ZNF420: variants seen among roughly 807,000 people sequenced by gnomAD.
ZNF420 encodes zinc finger protein 420.
Under a neutral mutation model 44.7 loss-of-function variants are expected in ZNF420, and 31 were observed. The ratio of observed to expected loss-of-function variants is 0.69; its 90% CI spans 0.52 to 0.94. The LOEUF is 0.94. ZNF420 is among the 40% of genes least tolerant of loss of function. The pLI is 0.00. For missense variants in ZNF420, 681 were observed against 827.9 expected, an observed-to-expected ratio of 0.82 and a Z score of 2.18; for synonymous variants, 245 against 267.4, an observed-to-expected ratio of 0.92 and a Z score of 0.82.
At chr19:37,025,241 T>A (rs1320495972) in intron 1 of ZNF420, 8 of 320,936 alleles carry the variant, frequency 2.5e-5, no homozygotes, top group Non-Finnish European at 3.4e-5. Flanking sequence ...GCATCATCTC[T>A]TGTTCATTGA....
At chr19:37,106,423 T>C (rs1036993650) in intron 4 of ZNF420, among the ~76,000 whole-genome samples, 2 of 152,218 alleles carry the variant, frequency 1.3e-5, no homozygotes, top group Admixed American at 1.3e-4. Context: ...TTTGCCAGTA[T>C]TTTATCTTCT....
chr19:37,097,096 AC>A (rs1969497784), intron 4 of ZNF420, among the ~76,000 whole-genome samples: 1 of 151,956 alleles, frequency 6.6e-6, no homozygotes, highest in Non-Finnish European at 1.5e-5. Context: ...ACAGGGTTTC[AC>A]TATGTTGGCC....
chr19:37,115,445 G>T lies in ZNF420; in HGVS notation c.137-11683G>T, dbSNP rs139066537. On this transcript the variant is annotated intron_variant, in intron 4 of 4. Coordinates refer to ENST00000337995, the MANE Select transcript of ZNF420 (RefSeq NM_144689.5). ...ACCGTAGGGTAATAGTGGGGAGAGGGTCAGCAGGAAAACATGTGAACAGAG... is the reference window on the plus strand; with the variant it reads ...ACCGTAGGGTAATAGTGGGGAGAGGTTCAGCAGGAAAACATGTGAACAGAG... 3.3e-3 allele frequency among the ~76,000 whole-genome samples: 495 copies of T among 152,100 alleles called. 5 individuals carry two copies. Among genetic ancestry groups the T allele is most frequent in the African/African-American group, 0.011 (473 of 41,506 alleles).
chr19:37,066,281 A>C (rs921382850), intron 1 of ZNF420, among the ~76,000 whole-genome samples: 1 of 152,092 alleles, frequency 6.6e-6, no homozygotes, highest in African/African-American at 2.4e-5. Context: ...CGTCTCTACT[A>C]AAAATACAAA....
chr19:37,071,317 G>A (rs1016453447), intron 1 of ZNF420, among the ~76,000 whole-genome samples: 1 of 152,122 alleles, frequency 6.6e-6, no homozygotes, highest in Non-Finnish European at 1.5e-5. Context: ...GCGAGTCACA[G>A]AATGATATAT....
chr19:37,048,426 C>T (rs1360061115), intron 1 of ZNF420, among the ~76,000 whole-genome samples: 1 of 152,146 alleles, frequency 6.6e-6, no homozygotes, highest in Non-Finnish European at 1.5e-5. Flanking sequence ...TATAACTGTT[C>T]TAATACTGCT....
At chr19:37,072,650 T>C (rs145365087) in intron 1 of ZNF420, among the ~76,000 whole-genome samples, 366 of 152,310 alleles carry the variant, frequency 2.4e-3, no homozygotes, top group Non-Finnish European at 4.2e-3. Flanking sequence ...ATTCATGACA[T>C]AGATGGCCAT....
intron 1 of ZNF420, among the ~76,000 whole-genome samples, chr19:37,041,310 CAA>C (rs369724759): frequency 7.5e-5 from 10 of 132,628 alleles, no homozygotes; most frequent in Admixed American, 7.7e-5. Flanking sequence ...AACACTATCT[CAA>C]AAAAAAAAAA....
At chr19:37,083,926 T>C (rs968913899) in intron 2 of ZNF420, among the ~76,000 whole-genome samples, 1 of 152,204 alleles carries the variant, frequency 6.6e-6, no homozygotes, top group African/African-American at 2.4e-5. Flanking sequence ...GAGTGTATAC[T>C]GATATTTCCA....
At chr19:37,017,355 C>T (rs1169091691) in intron 1 of ZNF420, among the ~76,000 whole-genome samples, 3 of 152,120 alleles carry the variant, frequency 2.0e-5, no homozygotes, top group African/African-American at 7.2e-5. Context: ...CAAGGAAAAG[C>T]CCCACACAAG....
At chr19:37,008,765 G>GCTCTGGC (rs2074547363) in intron 1 of ZNF420, among the ~76,000 whole-genome samples, 1 of 152,176 alleles carries the variant, frequency 6.6e-6, no homozygotes, top group Admixed American at 6.5e-5. Context: ...TCCTGCCTGG[G>GCTCTGGC]CTCTGGCCTC....
At chr19:37,047,124 C>A (rs1333934225) in intron 1 of ZNF420, among the ~76,000 whole-genome samples, 1 of 152,188 alleles carries the variant, frequency 6.6e-6, no homozygotes, top group African/African-American at 2.4e-5. Flanking sequence ...CAATTTTGTG[C>A]ACTTTAAGCC....
intron 4 of ZNF420, among the ~76,000 whole-genome samples, chr19:37,125,852 G>T (rs979058616): frequency 6.6e-6 from 1 of 152,130 alleles, no homozygotes; most frequent in African/African-American, 2.4e-5. Flanking sequence ...GTCCAGATTG[G>T]TCTACTGTTT....
intron 1 of ZNF420, among the ~76,000 whole-genome samples, chr19:37,012,760 ATGTCTCTGTGTGTGTGTGTG>A (rs968836471): frequency 1.4e-4 from 14 of 101,938 alleles, no homozygotes; most frequent in Admixed American, 3.1e-4. Context: ...CCACTGCTAT[ATGTCTCTGTGTGTGTGTGTG>A]TGTGTGTGTG....
intron 1 of ZNF420, among the ~76,000 whole-genome samples, chr19:37,029,691 T>C (rs1967220564): frequency 6.6e-6 from 1 of 152,134 alleles, no homozygotes; most frequent in Non-Finnish European, 1.5e-5. Flanking sequence ...CTGGCTAATT[T>C]TTTGTATCTT....
Position 37,130,181 on chromosome 19 carries a change from G to A in ZNF420, c.*1123G>A. On this transcript the variant is annotated 3_prime_UTR_variant, in exon 5 of 5. Coordinates refer to ENST00000337995, the MANE Select transcript of ZNF420 (RefSeq NM_144689.5). ...TACTCTCATGGGGACTTTGAGAATGGTATCTGGGTGTTATGGATCATGGAG... is the reference window on the plus strand; with the variant it reads ...TACTCTCATGGGGACTTTGAGAATGATATCTGGGTGTTATGGATCATGGAG... 6.5e-7 allele frequency: 1 copy of A among 1,550,320 alleles called. No individual in the cohort carries two copies. The highest frequency in any genetic ancestry group is 8.7e-7 in the Non-Finnish European group (1 of 1,146,894).
chr19:37,097,877 G>A (rs1396111601), intron 4 of ZNF420, among the ~76,000 whole-genome samples: 3 of 152,092 alleles, frequency 2.0e-5, no homozygotes, highest in South Asian at 2.1e-4. Flanking sequence ...TTTCAATGCT[G>A]TTATACTAGT....
chr19:37,017,418 G>T (rs889853743), intron 1 of ZNF420, among the ~76,000 whole-genome samples: 1 of 152,188 alleles, frequency 6.6e-6, no homozygotes, highest in African/African-American at 2.4e-5. Context: ...ACCTGCTTTT[G>T]CAGATACAGT....
chr19:37,034,345 C>T (rs1056942818), intron 1 of ZNF420, among the ~76,000 whole-genome samples: 3 of 151,998 alleles, frequency 2.0e-5, no homozygotes, highest in African/African-American at 7.3e-5. Context: ...AAGTCCTTTG[C>T]CTATTTTTTA....
Sources: gnomAD v4.1 joint callset for allele counts (sites outside exome capture counted in the v4.1 genomes callset) on GRCh38, gnomAD v4.1.1 for gene constraint, MANE v1.5 for transcripts, NCBI Gene and HGNC (gene_info 2026-07-23, HGNC 2026-07-21) for gene names.